The following EIF4G3 variants were observed in gnomAD, a reference collection of about 807,000 sequenced individuals.
EIF4G3 encodes the protein eukaryotic translation initiation factor 4 gamma 3, also known as eIF-4-gamma 3.
EIF4G3 carries 34 observed loss-of-function variants against 186.4 expected under a neutral mutation model. The observed-to-expected ratio is 0.18, with a 90% CI of 0.14 to 0.24. The LOEUF is 0.24. EIF4G3 is among the 10% of genes least tolerant of loss of function. The pLI is 1.00. For missense variants in EIF4G3, 1,536 were observed against 1,948.5 expected, an observed-to-expected ratio of 0.79 and a Z score of 3.99; for synonymous variants, 673 against 679.5, an observed-to-expected ratio of 0.99 and a Z score of 0.15.
chr1:20,839,588 G>T (rs566315467), intron 30 of EIF4G3, among the ~76,000 whole-genome samples: 2 of 152,252 alleles, frequency 1.3e-5, no homozygotes, highest in South Asian at 2.1e-4. Flanking sequence ...TCTGCCTCCC[G>T]GGTTCAAGCG....
chr1:21,073,444 A>T lies in EIF4G3; in HGVS notation c.-196+15694T>A, dbSNP rs529996359. Among the ~76,000 whole-genome samples, 170 of 152,304 alleles carry T rather than the reference A, an allele frequency of 1.1e-3. 1 individual carries two copies. Among genetic ancestry groups the T allele is most frequent in the African/African-American group, 4.0e-3 (165 of 41,580 alleles). On this transcript the variant is annotated intron_variant, in intron 3 of 36. Transcript: ENST00000602326. ...TGGACAGCACGGTTCTGAGCCACCA[A>T]TCATCAGGAGGCTCCCACCTTAAGG...
intron 33 of EIF4G3, among the ~76,000 whole-genome samples, chr1:20,820,698 C>G (rs1381106486): frequency 6.6e-6 from 1 of 152,116 alleles, no homozygotes; most frequent in Non-Finnish European, 1.5e-5. Context: ...GCCCTGGACT[C>G]AGCCAGAACA....
chr1:20,887,650 T>C (rs1260434726), intron 18 of EIF4G3, among the ~76,000 whole-genome samples: 1 of 96,906 alleles, frequency 1.0e-5, no homozygotes, highest in Admixed American at 1.1e-4. Context: ...TTGATAAACA[T>C]TAAAAAAAAA....
chr1:21,045,635 A>G (rs1326624423), intron 4 of EIF4G3, among the ~76,000 whole-genome samples: 1 of 152,182 alleles, frequency 6.6e-6, no homozygotes. Context: ...CTAGATTTTG[A>G]TCCTAGTTAA....
At chr1:21,068,842 A>G (rs1209905345) in intron 3 of EIF4G3, among the ~76,000 whole-genome samples, 12 of 152,222 alleles carry the variant, frequency 7.9e-5, no homozygotes, top group Non-Finnish European at 7.3e-5. Context: ...GAAATGTTTC[A>G]GATTTCAGAT....
intron 4 of EIF4G3, among the ~76,000 whole-genome samples, chr1:21,016,301 G>C (rs2089025564): frequency 6.6e-6 from 1 of 152,026 alleles, no homozygotes; most frequent in Non-Finnish European, 1.5e-5. Flanking sequence ...CACATAAAAT[G>C]AAACAAAAAG....
At chr1:20,825,871 T>TA (rs2063482522) in intron 32 of EIF4G3, among the ~76,000 whole-genome samples, 1 of 152,116 alleles carries the variant, frequency 6.6e-6, no homozygotes, top group African/African-American at 2.4e-5. Context: ...AGAGAGAGAA[T>TA]AAAGAAGAGC....
intron 3 of EIF4G3, among the ~76,000 whole-genome samples, chr1:21,081,435 A>AAT (rs968358911): frequency 5.9e-5 from 9 of 151,588 alleles, no homozygotes; most frequent in African/African-American, 1.2e-4. Flanking sequence ...TCCATCTCAA[A>AAT]ATATATATAT....
chr1:20,979,900 G>A (rs890218038), intron 10 of EIF4G3, among the ~76,000 whole-genome samples: 13 of 151,980 alleles, frequency 8.6e-5, no homozygotes, highest in South Asian at 2.1e-4. Context: ...ACAGGCACCC[G>A]CCACCATGCC....
At chr1:21,155,810 G>T (rs1479465770) in intron 2 of EIF4G3, among the ~76,000 whole-genome samples, 1 of 152,078 alleles carries the variant, frequency 6.6e-6, no homozygotes, top group Non-Finnish European at 1.5e-5. Context: ...AGCCCTTTAA[G>T]AACTAATTTT....
At chr1:20,990,870 C>T (rs2080945448) in intron 7 of EIF4G3, among the ~76,000 whole-genome samples, 1 of 152,060 alleles carries the variant, frequency 6.6e-6, no homozygotes, top group Non-Finnish European at 1.5e-5. Flanking sequence ...CGAGGCATGC[C>T]TATATTTATT....
intron 6 of EIF4G3, among the ~76,000 whole-genome samples, chr1:20,999,186 C>A (rs2082942891): frequency 6.6e-6 from 1 of 152,170 alleles, no homozygotes; most frequent in Admixed American, 6.5e-5. Flanking sequence ...TAATGACCTA[C>A]AAGCTTGGGT....
intron 2 of EIF4G3, among the ~76,000 whole-genome samples, chr1:21,109,985 G>C (rs928583391): frequency 6.6e-6 from 1 of 151,932 alleles, no homozygotes; most frequent in Admixed American, 6.6e-5. Flanking sequence ...GAAACGTTTC[G>C]CTATGTTGAC....
At chr1:21,130,927 T>C (rs911418944) in intron 2 of EIF4G3, among the ~76,000 whole-genome samples, 4 of 151,978 alleles carry the variant, frequency 2.6e-5, no homozygotes, top group African/African-American at 7.3e-5. Flanking sequence ...CTGGGCCCAA[T>C]TGATGAAAGA....
At chr1:21,111,297 C>T in intron 2 of EIF4G3, 1 of 471,096 alleles carries the variant, frequency 2.1e-6, no homozygotes, top group South Asian at 1.5e-5. Context: ...AATTTGAATC[C>T]TAGATTCGTT....
intron 10 of EIF4G3, among the ~76,000 whole-genome samples, chr1:20,978,877 C>T (rs2077407174): frequency 6.6e-6 from 1 of 151,654 alleles, no homozygotes; most frequent in South Asian, 2.1e-4. Flanking sequence ...AGCCACGTAA[C>T]ATTTGGTTGC....
At chr1:21,114,461 T>C (rs1281499218) in intron 2 of EIF4G3, among the ~76,000 whole-genome samples, 4 of 152,152 alleles carry the variant, frequency 2.6e-5, no homozygotes, top group Non-Finnish European at 5.9e-5. Context: ...CTGGCAACAG[T>C]TTTCCTTGAA....
At position 21,117,736 on chromosome 1, in the gene EIF4G3, TAAA is replaced by T. The variant is rs71014156; in HGVS notation, c.-271-28526_-271-28524del. Reference sequence around the variant, plus strand: ...GGCCTTTCACTGTCCCAGTATATAGTAAAAAAAAAAAAAAAAAAAAAAAAATTA... The same window carrying T: ...GGCCTTTCACTGTCCCAGTATATAGTAAAAAAAAAAAAAAAAAAAAAATTA... On this transcript the variant is annotated intron_variant, in intron 2 of 36. Transcript: ENST00000602326. 6.4e-4 allele frequency among the ~76,000 whole-genome samples: 47 copies of T among 73,082 alleles called. 1 individual carries two copies. Among genetic ancestry groups the T allele is most frequent in the South Asian group, 1.6e-3 (3 of 1,866 alleles). 47.9% of individuals were successfully genotyped at this position (73,082 alleles called of 152,430 possible).
intron 2 of EIF4G3, among the ~76,000 whole-genome samples, chr1:21,147,843 AAGTAG>A (rs2097477494): frequency 6.6e-6 from 1 of 152,204 alleles, no homozygotes; most frequent in Non-Finnish European, 1.5e-5. Flanking sequence ...ATGCTGATAA[AAGTAG>A]AGTAGACCCT....
Sources: gnomAD v4.1 joint callset for allele counts (sites outside exome capture counted in the v4.1 genomes callset) on GRCh38, gnomAD v4.1.1 for gene constraint, MANE v1.5 for transcripts, NCBI Gene and HGNC (gene_info 2026-07-23, HGNC 2026-07-21) for gene names.